The following MON2 variants were observed in gnomAD, a reference collection of about 807,000 sequenced individuals.
The protein encoded by MON2 is protein MON2 homolog.
MON2 carries 84 observed loss-of-function variants against 208.6 expected under a neutral mutation model. The observed-to-expected ratio is 0.40, with a 90% CI of 0.34 to 0.48. MON2 has a LOEUF of 0.48. MON2 is among the 20% of genes least tolerant of loss of function. The pLI, the probability that MON2 is intolerant of heterozygous loss-of-function variation, is 0.59. For missense variants in MON2, 1,611 were observed against 2,015.4 expected, an observed-to-expected ratio of 0.80 and a Z score of 3.84; for synonymous variants, 660 against 694.0, an observed-to-expected ratio of 0.95 and a Z score of 0.77.
Position 62,571,484 on chromosome 12 carries a change from TGG to T in MON2, c.4418_4419del (p.Gly1473AlafsTer14). On this transcript the variant is annotated frameshift_variant, in exon 30 of 35. Transcript: ENST00000393630. LOFTEE classifies it high-confidence loss of function. The part of the protein sequence containing the change: ...VSSLLRVLSI[G>X]LPVARQHASS... ...CCTCTCTCCTCAGAGTTCTTTCTAT[TGG>T]GCTACCTGTTGCCCGGCAGCATGCT... 1 of 1,613,864 alleles carries T rather than the reference TGG, an allele frequency of 6.2e-7. No individual in the cohort carries two copies. The highest frequency in any genetic ancestry group is 8.5e-7 in the Non-Finnish European group (1 of 1,179,740).
intron 34 of MON2, among the ~76,000 whole-genome samples, chr12:62,590,712 G>T (rs2075372154): frequency 6.6e-6 from 1 of 152,164 alleles, no homozygotes; most frequent in African/African-American, 2.4e-5. Flanking sequence ...ACAGAGTCTT[G>T]TTCTGTTGCC....
At chr12:62,566,150 G>A in intron 28 of MON2, 119 bp downstream of exon 28, 3 of 1,361,308 alleles carry the variant, frequency 2.2e-6, no homozygotes, top group Non-Finnish European at 3.0e-6. Flanking sequence ...TTGCCTGGCT[G>A]AAAATTATTT....
intron 19 of MON2, 146 bp downstream of exon 19, chr12:62,538,651 A>G (rs2073093119): frequency 1.6e-6 from 1 of 609,102 alleles, no homozygotes; most frequent in African/African-American, 1.8e-5. Context: ...ACTTATCGTT[A>G]TTTGTCGAAG....
chr12:62,600,437 GGAT>G lies in MON2; in HGVS notation c.*7689_*7691del, dbSNP rs1446090953. ...GAAACCGCATATATAAAATAATACT[GGAT>G]ACAAGACTATACAATTAAATACTGG... On this transcript the variant is annotated 3_prime_UTR_variant, in exon 35 of 35. Coordinates refer to ENST00000393630, the MANE Select transcript of MON2 (RefSeq NM_015026.3). The G allele has an allele frequency of 6.6e-6, 1 of 152,148 alleles. No homozygotes were observed. Among genetic ancestry groups the G allele is most frequent in the Non-Finnish European group, 1.5e-5 (1 of 68,030 alleles). 9.4% of individuals were successfully genotyped at this position (152,148 alleles called of 1,614,324 possible).
chr12:62,502,470 T>C (rs941846084), intron 7 of MON2, among the ~76,000 whole-genome samples: 2 of 151,850 alleles, frequency 1.3e-5, no homozygotes, highest in African/African-American at 4.8e-5. Flanking sequence ...TTTAGACATA[T>C]AACAGTTTAG....
At chr12:62,540,159 T>C (rs2073170423) in intron 19 of MON2, among the ~76,000 whole-genome samples, 1 of 152,166 alleles carries the variant, frequency 6.6e-6, no homozygotes, top group African/African-American at 2.4e-5. Flanking sequence ...TTTCAGAATC[T>C]ATGTATTTAT....
intron 5 of MON2, among the ~76,000 whole-genome samples, chr12:62,499,341 T>C: frequency 6.6e-6 from 1 of 152,132 alleles, no homozygotes; most frequent in Non-Finnish European, 1.5e-5. Context: ...ATGTTATTGC[T>C]TCGTCCTCAT....
At chr12:62,554,136 T>C (rs2073865902) in intron 24 of MON2, among the ~76,000 whole-genome samples, 2 of 152,358 alleles carry the variant, frequency 1.3e-5, no homozygotes, top group Admixed American at 6.5e-5. Context: ...CTAATACTTT[T>C]CTGATTCTAA....
chr12:62,488,205 C>T (rs2069907354), intron 2 of MON2, among the ~76,000 whole-genome samples: 2 of 152,108 alleles, frequency 1.3e-5, no homozygotes, highest in South Asian at 4.1e-4. Flanking sequence ...GACTGACCCT[C>T]AGCATAGAAT....
At chr12:62,566,188 A>G (rs1223458339) in intron 28 of MON2, 134 bp from the exon 29 acceptor site, 1 of 1,343,816 alleles carries the variant, frequency 7.4e-7, no homozygotes, top group Non-Finnish European at 1.0e-6. Flanking sequence ...TCTCTTTGAA[A>G]ACTTTGCATG....
At chr12:62,538,010 G>C in intron 16 of MON2, 86 bp from the exon 17 acceptor site, 1 of 1,217,680 alleles carries the variant, frequency 8.2e-7, no homozygotes, top group Admixed American at 2.5e-5. Flanking sequence ...TTGGTTGCTA[G>C]AAGTTACTAC....
At position 62,535,724 on chromosome 12, in the gene MON2, C is replaced by T; in HGVS notation, c.1900+15C>T. The T allele has an allele frequency of 6.3e-7, 1 of 1,588,858 alleles. No individual in the cohort carries two copies. Among genetic ancestry groups the T allele is most frequent in the Non-Finnish European group, 8.6e-7 (1 of 1,164,404 alleles). On this transcript the variant is annotated intron_variant, in intron 14 of 34. Coordinates refer to ENST00000393630, the MANE Select transcript of MON2 (RefSeq NM_015026.3). ...TTCCAACAAATGTAAGACAGGCTTA[C>T]TCAAAATTCTCTCTATGTAGTGGGA...
Position 62,571,474 on chromosome 12 carries a change from T to G in MON2, c.4406T>G (p.Val1469Gly). 1 of 1,613,778 alleles carries G rather than the reference T, an allele frequency of 6.2e-7. No individual in the cohort carries two copies. The highest frequency in any genetic ancestry group is 8.5e-7 in the Non-Finnish European group (1 of 1,179,712). ...WKLAVSSLLR[V>G]LSIGLPVARQ... ...CTAGCAGTATCCTCTCTCCTCAGAGTTCTTTCTATTGGGCTACCTGTTGCC... is the reference window on the plus strand; with the variant it reads ...CTAGCAGTATCCTCTCTCCTCAGAGGTCTTTCTATTGGGCTACCTGTTGCC... Residue 1469 changes from valine (V) to glycine (G), a missense_variant, in exon 30 of 35, where the codon GTT (valine) becomes GGT (glycine). Val to Gly is a moderately radical substitution (Grantham distance 109). Coordinates refer to ENST00000393630, the MANE Select transcript of MON2 (RefSeq NM_015026.3).
chr12:62,506,456 G>A (rs1050927816), intron 7 of MON2, among the ~76,000 whole-genome samples: 6 of 152,062 alleles, frequency 3.9e-5, no homozygotes, highest in African/African-American at 4.8e-5. Context: ...TAAAACATAC[G>A]TTTAGTGGCT....
chr12:62,573,421 A>C (rs1354087958), intron 30 of MON2, among the ~76,000 whole-genome samples: 2 of 150,778 alleles, frequency 1.3e-5, no homozygotes, highest in Non-Finnish European at 3.0e-5. Flanking sequence ...CAATGAGTAA[A>C]ACTTCTTTAA....
intron 8 of MON2, among the ~76,000 whole-genome samples, chr12:62,514,713 G>A (rs1362284966): frequency 6.6e-6 from 1 of 152,108 alleles, no homozygotes; most frequent in African/African-American, 2.4e-5. Context: ...CAACACTTGG[G>A]AGAAAAGATT....
intron 1 of MON2, among the ~76,000 whole-genome samples, chr12:62,473,907 C>G (rs550502322): frequency 6.6e-6 from 1 of 152,098 alleles, no homozygotes; most frequent in East Asian, 1.9e-4. Flanking sequence ...CCCAGGTTCT[C>G]TCTTCAGATC....
intron 26 of MON2, chr12:62,564,895 T>C (rs2074323726): frequency 5.7e-6 from 1 of 175,668 alleles, no homozygotes; most frequent in South Asian, 1.4e-4. Context: ...TCGTGGTCAG[T>C]CACACATTCT....
intron 8 of MON2, among the ~76,000 whole-genome samples, chr12:62,510,770 A>G (rs2071354805): frequency 1.3e-5 from 2 of 152,194 alleles, no homozygotes; most frequent in African/African-American, 4.8e-5. Context: ...TCTATTCAAC[A>G]TGGTACTGGA....
Sources: gnomAD v4.1 joint callset for allele counts (sites outside exome capture counted in the v4.1 genomes callset) on GRCh38, gnomAD v4.1.1 for gene constraint, MANE v1.5 for transcripts, NCBI Gene and HGNC (gene_info 2026-07-23, HGNC 2026-07-21) for gene names.